Variants in DTNA observed in about 807,000 individuals in gnomAD.
The protein encoded by DTNA is dystrophin-related protein 3.
A neutral mutation model predicts 100.7 loss-of-function variants in DTNA; 43 were observed. The ratio of observed to expected loss-of-function variants is 0.43; its 90% CI spans 0.33 to 0.55. The LOEUF is 0.55. DTNA is among the 20% of genes least tolerant of loss of function. The pLI, the probability that DTNA is intolerant of heterozygous loss-of-function variation, is 0.04. For synonymous variants in DTNA, 349 were observed against 347.9 expected (o/e 1.00, Z -0.04); for missense variants, 798 against 953.9 (o/e 0.84, Z 2.15).
In DTNA at chr18:34,816,025, A is replaced by C; in HGVS notation, c.709+11A>C. The C allele has an allele frequency of 6.2e-7, 1 of 1,609,872 alleles. No homozygotes were observed. Among genetic ancestry groups the C allele is most frequent in the Non-Finnish European group, 8.5e-7 (1 of 1,176,212 alleles). ...CAAATGTGGAAAATGGTGAGTAGTTACTAAGGAGCAAAGGTGATTTTTTAA... is the reference window on the plus strand; with the variant it reads ...CAAATGTGGAAAATGGTGAGTAGTTCCTAAGGAGCAAAGGTGATTTTTTAA... On this transcript the variant is annotated intron_variant, in intron 7 of 22. Transcript: ENST00000444659.
intron 3 of DTNA, among the ~76,000 whole-genome samples, chr18:34,780,909 C>T (rs529674673): frequency 6.6e-6 from 1 of 152,222 alleles, no homozygotes; most frequent in African/African-American, 2.4e-5. Flanking sequence ...GGAGAGAGTT[C>T]TAACCTAGCT....
chr18:34,730,566 A>G (rs1186459196), intron 1 of DTNA, among the ~76,000 whole-genome samples: 1 of 152,212 alleles, frequency 6.6e-6, no homozygotes, highest in Non-Finnish European at 1.5e-5. Context: ...GTTCAAATAT[A>G]GTAATTTTCA....
chr18:34,864,399 C>G (rs894260114), intron 17 of DTNA, among the ~76,000 whole-genome samples: 7 of 152,066 alleles, frequency 4.6e-5, no homozygotes, highest in South Asian at 2.1e-4. Context: ...GACTACAGGC[C>G]CCCGCCACCG....
chr18:34,781,702 G>A (rs1055231754), intron 3 of DTNA, among the ~76,000 whole-genome samples: 2 of 152,000 alleles, frequency 1.3e-5, no homozygotes, highest in African/African-American at 4.8e-5. Flanking sequence ...ATGAATGAAT[G>A]AATAAATAAA....
Position 34,831,722 on chromosome 18 carries a change from C to G in DTNA, c.1175+2233C>G, listed in dbSNP as rs111432110. Among the ~76,000 whole-genome samples the G allele has an allele frequency of 5.3e-5, 8 of 152,224 alleles. No homozygotes were observed. In the East Asian group the frequency reaches 1.4e-3, roughly 26 times the overall value. ...GGCAGAGGTTGTGGTGAGCCGAGAT[C>G]GTGCCATTGCACTCCAGCCGGGACA... On this transcript the variant is annotated intron_variant, in intron 11 of 22. Coordinates refer to ENST00000444659, the MANE Select transcript of DTNA (RefSeq NM_001386795.1).
rs201419856 is a variant in DTNA, at chr18:34,702,822, A to ACT, written c.-1-53151_-1-53150dup. 7.8e-3 allele frequency among the ~76,000 whole-genome samples: 1,181 copies of ACT among 152,326 alleles called. 14 individuals are homozygous for ACT. Among genetic ancestry groups the ACT allele is most frequent in the African/African-American group, 0.027 (1,114 of 41,568 alleles). The stretch of plus-strand genomic sequence containing the variant: ...AAAAAGAGCAATCATAAAGCCATGA[A>ACT]CTCTGTAGCCTTCCTTAGAATCTTG... On this transcript the variant is annotated intron_variant, in intron 1 of 19. Transcript: ENST00000283365.
chr18:34,676,686 T>A (rs1051623139), intron 1 of DTNA, among the ~76,000 whole-genome samples: 3 of 151,984 alleles, frequency 2.0e-5, no homozygotes, highest in African/African-American at 7.2e-5. Flanking sequence ...CATACAAAAA[T>A]TAGCTGAGCG....
intron 1 of DTNA, among the ~76,000 whole-genome samples, chr18:34,724,180 C>A (rs930604344): frequency 1.3e-5 from 2 of 152,162 alleles, no homozygotes; most frequent in Non-Finnish European, 2.9e-5. Flanking sequence ...AATGACTTGA[C>A]AATAATTATG....
chr18:34,632,826 T>A (rs1260656363), intron 1 of DTNA, among the ~76,000 whole-genome samples: 1 of 152,200 alleles, frequency 6.6e-6, no homozygotes, highest in Non-Finnish European at 1.5e-5. Flanking sequence ...GATTTTCTTT[T>A]TCTGTTAAGC....
chr18:34,688,202 T>A (rs2079188838), intron 1 of DTNA, among the ~76,000 whole-genome samples: 1 of 152,226 alleles, frequency 6.6e-6, no homozygotes, highest in Non-Finnish European at 1.5e-5. Flanking sequence ...AGCTGGTTAT[T>A]TTGCCTATTA....
At chr18:34,505,046 C>T (rs939410501) in intron 1 of DTNA, among the ~76,000 whole-genome samples, 7 of 152,228 alleles carry the variant, frequency 4.6e-5, no homozygotes, top group Non-Finnish European at 1.0e-4. Flanking sequence ...GCATGCCTTA[C>T]AGAAGTGCAC....
chr18:34,737,070 AAGTATT>A (rs1296165952), intron 1 of DTNA, among the ~76,000 whole-genome samples: 1 of 152,172 alleles, frequency 6.6e-6, no homozygotes, highest in African/African-American at 2.4e-5. Context: ...TGTATAGTGA[AAGTATT>A]AGTATTCTAA....
At chr18:34,740,980 G>A (rs1003771961) in intron 1 of DTNA, among the ~76,000 whole-genome samples, 4 of 152,174 alleles carry the variant, frequency 2.6e-5, no homozygotes, top group African/African-American at 7.2e-5. Context: ...CATGATGTAT[G>A]TGTGGGTATT....
Position 34,812,039 on chromosome 18 carries a change from C to T in DTNA, c.529C>T (p.Leu177=). 6.2e-7 allele frequency: 1 copy of T among 1,614,096 alleles called. No homozygotes were observed. The highest frequency in any genetic ancestry group is 8.5e-7 in the Non-Finnish European group (1 of 1,179,978). ...YDQFLREVLK[L]PTAVFEGPSF... ...CCAATTCCTTCGGGAAGTTCTCAAA[C>T]TACCCACGGCAGTTTTTGAAGGTCC... The change falls in exon 6 of 23, where the codon CTA becomes TTA. Residue 177 remains leucine (L), a synonymous_variant. Coordinates refer to ENST00000444659, the MANE Select transcript of DTNA (RefSeq NM_001386795.1).
chr18:34,767,662 A>C (rs966359329), intron 3 of DTNA: 1 of 150,700 alleles, frequency 6.6e-6, no homozygotes, highest in Non-Finnish European at 1.5e-5. Context: ...GAGGCTGAGC[A>C]TGCTAACTCA....
At chr18:34,613,008 G>T (rs535780196) in intron 1 of DTNA, among the ~76,000 whole-genome samples, 20 of 152,024 alleles carry the variant, frequency 1.3e-4, no homozygotes, top group Admixed American at 5.9e-4. Context: ...AAGGTTTGTG[G>T]CAACCCTGCC....
chr18:34,538,205 A>T (rs575392316), intron 1 of DTNA, among the ~76,000 whole-genome samples: 2 of 152,068 alleles, frequency 1.3e-5, no homozygotes, highest in South Asian at 4.1e-4. Context: ...TTGCTAACCT[A>T]ACTATCAAAT....
chr18:34,632,885 A>G (rs2148150299), intron 1 of DTNA, among the ~76,000 whole-genome samples: 1 of 152,306 alleles, frequency 6.6e-6, no homozygotes, highest in East Asian at 1.9e-4. Flanking sequence ...AAGAGTTAGT[A>G]TATCCTTTGT....
intron 1 of DTNA, among the ~76,000 whole-genome samples, chr18:34,710,739 A>G (rs1330469047): frequency 6.6e-6 from 1 of 152,016 alleles, no homozygotes; most frequent in Non-Finnish European, 1.5e-5. Context: ...AGTAATAAGA[A>G]TGCAATAACT....
Sources: allele counts gnomAD v4.1 joint callset (sites outside exome capture counted in the v4.1 genomes callset), GRCh38; gene constraint gnomAD v4.1.1; transcripts MANE v1.5; gene names NCBI Gene and HGNC (gene_info 2026-07-23, HGNC 2026-07-21).